The following CDKL2 variants were observed in gnomAD, a reference collection of about 807,000 sequenced individuals.
The protein encoded by CDKL2 is cyclin dependent kinase like 2.
A neutral mutation model predicts 63.9 loss-of-function variants in CDKL2; 64 were observed. That is an observed-to-expected ratio of 1.00 (90% CI 0.82 to 1.23). The LOEUF (loss-of-function observed/expected upper bound fraction) is 1.23. Among genes scored for constraint, CDKL2 ranks in the 50% most tolerant of loss-of-function variants. The probability of loss-of-function intolerance (pLI) is 0.00; values close to 1 mark genes in which losing one functional copy is unlikely to be tolerated. For missense variants in CDKL2, 656 were observed against 668.0 expected (o/e 0.98, Z 0.20); for synonymous variants, 211 against 229.2 (o/e 0.92, Z 0.72).
chr4:75,584,805 T>A (rs1192005166), intron 12 of CDKL2, among the ~76,000 whole-genome samples: 3 of 152,214 alleles, frequency 2.0e-5, no homozygotes, highest in Non-Finnish European at 4.4e-5. Context: ...ATCAGGCTAT[T>A]CAAAATGGTG....
chr4:75,588,180 C>G (rs1262790062), intron 12 of CDKL2, among the ~76,000 whole-genome samples: 1 of 150,404 alleles, frequency 6.6e-6, no homozygotes, highest in East Asian at 1.9e-4. Flanking sequence ...CACCATTGCA[C>G]TCCAGCCTGG....
intron 2 of CDKL2, among the ~76,000 whole-genome samples, chr4:75,619,901 C>A (rs1006687706): frequency 6.6e-6 from 1 of 152,122 alleles, no homozygotes; most frequent in Admixed American, 6.6e-5. Flanking sequence ...AGTAATCTTT[C>A]AGGACAGGCG....
At position 75,583,538 on chromosome 4, in the gene CDKL2, C is replaced by G. The variant is rs543756943; in HGVS notation, c.1648-1640G>C. On this transcript the variant is annotated intron_variant, in intron 12 of 13. Transcript: ENST00000307465. ...GCATATGTCTTCTTTCTTGGTTCAGCCACAGCAATCTTACAGACAGCTGCA... is the reference window on the plus strand; with the variant it reads ...GCATATGTCTTCTTTCTTGGTTCAGGCACAGCAATCTTACAGACAGCTGCA... Among the ~76,000 whole-genome samples, 3 of 152,308 alleles carry G rather than the reference C, an allele frequency of 2.0e-5. No individual in the cohort carries two copies. The South Asian group carries it at 6.2e-4, about 32-fold the overall frequency.
At chr4:75,592,421 T>A (rs925333862) in intron 10 of CDKL2, among the ~76,000 whole-genome samples, 152 bp from the exon 11 acceptor site, 2 of 152,142 alleles carry the variant, frequency 1.3e-5, no homozygotes, top group African/African-American at 4.8e-5. Flanking sequence ...ACAAAAAAAA[T>A]TCATCCAATT....
At chr4:75,616,243 G>T (rs561894459) in intron 2 of CDKL2, among the ~76,000 whole-genome samples, 2 of 152,158 alleles carry the variant, frequency 1.3e-5, no homozygotes, top group African/African-American at 4.8e-5. Context: ...ATTGTAGGCT[G>T]CAATAAGCTA....
At chr4:75,598,961 T>C (rs1729058439) in intron 7 of CDKL2, among the ~76,000 whole-genome samples, 1 of 152,234 alleles carries the variant, frequency 6.6e-6, no homozygotes, top group South Asian at 2.1e-4. Flanking sequence ...CAAAATTTTA[T>C]GCAAAAATTA....
At chr4:75,619,079 A>G (rs1048628111) in intron 2 of CDKL2, among the ~76,000 whole-genome samples, 1 of 152,224 alleles carries the variant, frequency 6.6e-6, no homozygotes, top group Admixed American at 6.5e-5. Flanking sequence ...ATAATGAGAA[A>G]CACAAGATAA....
intron 2 of CDKL2, among the ~76,000 whole-genome samples, chr4:75,616,732 A>G (rs1190923586): frequency 3.3e-5 from 4 of 121,070 alleles, no homozygotes; most frequent in African/African-American, 6.4e-5. Context: ...TTCAAATATC[A>G]TATAGAAAAA....
intron 12 of CDKL2, among the ~76,000 whole-genome samples, chr4:75,587,634 G>A (rs1190275723): frequency 6.6e-6 from 1 of 152,092 alleles, no homozygotes; most frequent in African/African-American, 2.4e-5. Flanking sequence ...GAGAGGCCGG[G>A]CGCAGTGGTT....
chr4:75,578,079 C>A lies in CDKL2; in HGVS notation c.*1123G>T, dbSNP rs1216599153. ...TAAATGCAGAGCATGTGTAGAAACCCAGAAATCAAGAACCTGTAGCCAACT... is the reference window on the plus strand; with the variant it reads ...TAAATGCAGAGCATGTGTAGAAACCAAGAAATCAAGAACCTGTAGCCAACT... On this transcript the variant is annotated 3_prime_UTR_variant, in exon 14 of 14. Transcript: ENST00000307465. 6.6e-6 allele frequency: 1 copy of A among 151,902 alleles called. No individual in the cohort carries two copies. The highest frequency in any genetic ancestry group is 2.4e-5 in the African/African-American group (1 of 41,342). 9.4% of individuals were successfully genotyped at this position (151,902 alleles called of 1,614,324 possible).
chr4:75,605,710 G>A, intron 4 of CDKL2, 76 bp from the exon 5 acceptor site: 1 of 871,826 alleles, frequency 1.1e-6, no homozygotes, highest in Non-Finnish European at 1.9e-6. Context: ...GAGCACTGAG[G>A]TGATGCTCAA....
chr4:75,621,696 G>C (rs1019332915), intron 2 of CDKL2, among the ~76,000 whole-genome samples: 1 of 151,992 alleles, frequency 6.6e-6, no homozygotes, highest in Non-Finnish European at 1.5e-5. Context: ...CTATCGCACC[G>C]AGCTTGAAAT....
rs551434834 is a variant in CDKL2 at position 75,593,223 on chromosome 4, ATAGT to A, written c.1417-958_1417-955del. 3.0e-3 allele frequency among the ~76,000 whole-genome samples: 464 copies of A among 152,200 alleles called. 3 individuals are homozygous for A. Among genetic ancestry groups the A allele is most frequent in the Non-Finnish European group, 4.2e-3 (283 of 68,008 alleles). ...TGGTTCAAGTTGGTTATAAAATAAA[ATAGT>A]TAAAGAAAACTATATGCAAGTACAA... On this transcript the variant is annotated intron_variant, in intron 10 of 13. Transcript: ENST00000307465.
chr4:75,601,899 T>C (rs1301990175), intron 6 of CDKL2, among the ~76,000 whole-genome samples: 1 of 152,224 alleles, frequency 6.6e-6, no homozygotes, highest in Non-Finnish European at 1.5e-5. Flanking sequence ...GGGTAAATCT[T>C]ATAGCCTAGT....
intron 6 of CDKL2, among the ~76,000 whole-genome samples, chr4:75,602,169 T>TG (rs1190993854): frequency 1.5e-5 from 2 of 136,934 alleles, no homozygotes; most frequent in Non-Finnish European, 3.2e-5. Context: ...TTTGTTTTTT[T>TG]TTTGTTGTTG....
At chr4:75,587,225 G>T (rs2148862291) in intron 12 of CDKL2, among the ~76,000 whole-genome samples, 1 of 151,836 alleles carries the variant, frequency 6.6e-6, no homozygotes, top group African/African-American at 2.4e-5. Context: ...AGGCTGAGGT[G>T]GGTGTATCAC....
chr4:75,597,459 C>T (rs1728995304), intron 8 of CDKL2, among the ~76,000 whole-genome samples: 1 of 152,112 alleles, frequency 6.6e-6, no homozygotes, highest in African/African-American at 2.4e-5. Flanking sequence ...ACACAGCTCA[C>T]TCAGACACAC....
chr4:75,603,760 AGGT>A, intron 6 of CDKL2, 54 bp downstream of exon 6: 1 of 960,154 alleles, frequency 1.0e-6, no homozygotes, highest in Non-Finnish European at 1.5e-6. Context: ...AAAAAAAAAA[AGGT>A]CTTGATAGTG....
chr4:75,576,515 T>C lies in CDKL2; in HGVS notation c.*2687A>G, dbSNP rs1728029403. 6.6e-6 allele frequency among the ~76,000 whole-genome samples: 1 copy of C among 152,200 alleles called. No homozygotes were observed. The highest frequency in any genetic ancestry group is 2.4e-5 in the African/African-American group (1 of 41,444). ...ACAATGTGAGAACATAATTTTTTAT[T>C]CATATAGATAGAGGAGTGTTAAGCA... On this transcript the variant is annotated 3_prime_UTR_variant, in exon 14 of 14. Coordinates refer to ENST00000307465, the MANE Select transcript of CDKL2 (RefSeq NM_001330724.2).
Sources: gnomAD v4.1 joint callset for allele counts (sites outside exome capture counted in the v4.1 genomes callset) on GRCh38, gnomAD v4.1.1 for gene constraint, MANE v1.5 for transcripts, NCBI Gene and HGNC (gene_info 2026-07-23, HGNC 2026-07-21) for gene names.